The following ANO3 variants were observed in gnomAD, a reference collection of about 807,000 sequenced individuals.
ANO3 encodes anoctamin 3.
Under a neutral mutation model 144.8 loss-of-function variants are expected in ANO3, and 99 were observed. That is an observed-to-expected ratio of 0.68 (90% CI 0.58 to 0.81). ANO3 has a LOEUF of 0.81. Ranked by LOEUF, ANO3 falls within the 30% of genes least tolerant of loss-of-function variation. The probability of loss-of-function intolerance (pLI) is 0.00; values close to 1 mark genes in which losing one functional copy is unlikely to be tolerated. For synonymous variants in ANO3, 414 were observed against 392.6 expected (o/e 1.05, Z -0.64); for missense variants, 905 against 1,202.2 (o/e 0.75, Z 3.66).
intron 1 of ANO3, among the ~76,000 whole-genome samples, chr11:26,335,184 A>C (rs1049896128): frequency 6.6e-6 from 1 of 152,212 alleles, no homozygotes; most frequent in African/African-American, 2.4e-5. Context: ...TATGTCATTT[A>C]ATATCACTAA....
At chr11:26,565,863 G>A (rs777346737) in intron 14 of ANO3, 2 of 1,591,410 alleles carry the variant, frequency 1.3e-6, no homozygotes, top group African/African-American at 2.7e-5. Flanking sequence ...CAACATTGTA[G>A]GCTTCTTTGG....
At chr11:26,268,295 C>T (rs545651881) in intron 1 of ANO3, among the ~76,000 whole-genome samples, 34 of 152,264 alleles carry the variant, frequency 2.2e-4, no homozygotes, top group African/African-American at 7.9e-4. Context: ...GGATTAATGG[C>T]ATCAATATCC....
upstream of ANO3, among the ~76,000 whole-genome samples, chr11:26,328,843 G>A (rs999611755): frequency 1.3e-5 from 2 of 152,076 alleles, no homozygotes; most frequent in African/African-American, 4.8e-5. Flanking sequence ...CATTGATAAA[G>A]TATGAAAATG....
chr11:26,224,077 T>C lies in ANO3; in HGVS notation c.154+34747T>C, dbSNP rs574088589. 7.2e-5 allele frequency among the ~76,000 whole-genome samples: 11 copies of C among 152,346 alleles called. No homozygotes were observed. The South Asian group carries it at 2.3e-3, about 32-fold the overall frequency. On this transcript the variant is annotated intron_variant, in intron 1 of 27. Transcript: ENST00000672621. ...ATCTCTATTCCTGTTCTTCTGCCAC[T>C]GCTTCCCAGCTGCCATCTCAAGGTC...
At chr11:26,278,513 T>C (rs10834936) in intron 1 of ANO3, among the ~76,000 whole-genome samples, 35,095 of 151,994 alleles carry the variant, frequency 0.23, 4,902 homozygotes, top group African/African-American at 0.4. Context: ...TCCCTCAGAC[T>C]TTACTGTTTA....
intron 14 of ANO3, among the ~76,000 whole-genome samples, chr11:26,573,391 T>C (rs1385575858): frequency 6.6e-6 from 1 of 152,202 alleles, no homozygotes; most frequent in Non-Finnish European, 1.5e-5. Context: ...AGGTTAAATT[T>C]AATCAAACAG....
chr11:26,429,294 C>T (rs977409058), intron 1 of ANO3, among the ~76,000 whole-genome samples: 1 of 152,002 alleles, frequency 6.6e-6, no homozygotes, highest in Non-Finnish European at 1.5e-5. Flanking sequence ...AAAGCAAACC[C>T]GTTTCTTCCT....
At chr11:26,464,996 CTTTGTGTACA>C (rs1859545442) in intron 4 of ANO3, among the ~76,000 whole-genome samples, 1 of 151,540 alleles carries the variant, frequency 6.6e-6, no homozygotes, top group African/African-American at 2.4e-5. Flanking sequence ...AGACAATTTC[CTTTGTGTACA>C]TTTGTCACAG....
At chr11:26,434,159 A>G (rs943516184) in intron 1 of ANO3, among the ~76,000 whole-genome samples, 2 of 152,008 alleles carry the variant, frequency 1.3e-5, no homozygotes, top group Non-Finnish European at 2.9e-5. Context: ...GGGAGGGTGT[A>G]TGTGTCCCCT....
At chr11:26,482,532 A>G (rs1441052025) in intron 4 of ANO3, among the ~76,000 whole-genome samples, 1 of 151,606 alleles carries the variant, frequency 6.6e-6, no homozygotes, top group African/African-American at 2.4e-5. Flanking sequence ...CCTCTGTGTA[A>G]GGGAAATTCA....
chr11:26,369,867 G>C (rs1856200582), intron 1 of ANO3, among the ~76,000 whole-genome samples: 1 of 152,182 alleles, frequency 6.6e-6, no homozygotes, highest in South Asian at 2.1e-4. Flanking sequence ...ACTCAAAGAT[G>C]TTCAATTTGT....
rs1487006054 is a variant in ANO3 at position 26,634,259 on chromosome 11, C to T, written c.1929C>T (p.Leu643=). The change falls in exon 19 of 27, where the codon CTC becomes CTT. Residue 643 remains leucine, a synonymous_variant. Coordinates refer to ENST00000256737, the MANE Select transcript of ANO3 (RefSeq NM_031418.4). The part of the protein sequence containing the change: ...WENSFALKMF[L]FQFVNLNSSI... ...ACAGCTTCGCCCTGAAGATGTTCCT[C>T]TTCCAGTTTGTCAATTTAAACAGTT... 6.2e-7 allele frequency: 1 copy of T among 1,613,958 alleles called. No homozygotes were observed. Among genetic ancestry groups the T allele is most frequent in the Non-Finnish European group, 8.5e-7 (1 of 1,179,950 alleles).
chr11:26,599,226 A>G (rs968456676), intron 16 of ANO3, among the ~76,000 whole-genome samples: 15 of 152,324 alleles, frequency 9.8e-5, no homozygotes, highest in African/African-American at 3.6e-4. Flanking sequence ...AACAGAGACC[A>G]TCTAAGATAA....
chr11:26,451,129 T>C (rs1858915968), intron 3 of ANO3, among the ~76,000 whole-genome samples: 1 of 152,138 alleles, frequency 6.6e-6, no homozygotes, highest in African/African-American at 2.4e-5. Flanking sequence ...TAGGAACCAC[T>C]CCGGTCTACA....
At chr11:26,599,051 A>C in intron 16 of ANO3, 53 bp downstream of exon 16, 4 of 1,563,694 alleles carry the variant, frequency 2.6e-6, no homozygotes, top group Non-Finnish European at 3.5e-6. Flanking sequence ...ATTTAGAAGT[A>C]AGTTCAATGA....
At chr11:26,414,391 C>G (rs1350901219) in intron 1 of ANO3, among the ~76,000 whole-genome samples, 1 of 151,900 alleles carries the variant, frequency 6.6e-6, no homozygotes. Context: ...ACATGTACAC[C>G]ATGGAATACT....
intron 1 of ANO3, among the ~76,000 whole-genome samples, chr11:26,382,810 T>C (rs1460054257): frequency 1.3e-5 from 2 of 152,190 alleles, no homozygotes; most frequent in African/African-American, 4.8e-5. Flanking sequence ...CCTTCTGTAG[T>C]TGTGAAAACA....
chr11:26,274,773 G>A (rs969647384), intron 1 of ANO3, among the ~76,000 whole-genome samples: 7 of 152,044 alleles, frequency 4.6e-5, no homozygotes, highest in Admixed American at 3.3e-4. Flanking sequence ...AAAGTAAGCA[G>A]AGATACTTCA....
At chr11:26,643,364 G>T in intron 23 of ANO3, 30 bp downstream of exon 23, 1 of 1,612,394 alleles carries the variant, frequency 6.2e-7, no homozygotes, top group Non-Finnish European at 8.5e-7. Context: ...TGATTTTTAC[G>T]TTGCTAACAC....
Sources: allele counts gnomAD v4.1 joint callset (sites outside exome capture counted in the v4.1 genomes callset), GRCh38; gene constraint gnomAD v4.1.1; transcripts MANE v1.5; gene names NCBI Gene and HGNC (gene_info 2026-07-23, HGNC 2026-07-21).